Variants in EPS8L2 observed in about 807,000 individuals in gnomAD.
EPS8L2 encodes the protein epidermal growth factor receptor kinase substrate 8-like protein 2.
In EPS8L2, 81 loss-of-function variants were observed where a neutral mutation model predicts 99.4. The observed-to-expected ratio is 0.82, with a 90% confidence interval of 0.68 to 0.98. The LOEUF is 0.98. Among genes scored for constraint, EPS8L2 ranks in the 50% least tolerant of loss-of-function variants. EPS8L2 has a pLI of 0.00. For synonymous variants in EPS8L2, 509 were observed against 407.3 expected, an observed-to-expected ratio of 1.25 and a Z score of -3.01; for missense variants, 1,155 against 968.8, an observed-to-expected ratio of 1.19 and a Z score of -2.55.
Position 710,471 on chromosome 11 carries a change from G to T in EPS8L2, c.150G>T (p.Ser50=), listed in dbSNP as rs919093439. The part of the protein sequence containing the change: ...SNSNVIMHET[S]QYHVQHLATF... ...CCAACGTCATCATGCACGAGACCTC[G>T]CAGTACCACGTCCAGGTAAGGCCCC... Residue 50 remains serine, a synonymous_variant, in exon 4 of 21, where the codon TCG becomes TCT. Coordinates refer to ENST00000318562, the MANE Select transcript of EPS8L2 (RefSeq NM_022772.4). The T allele has an allele frequency of 2.5e-6, 4 of 1,613,558 alleles. No individual in the cohort carries two copies. The highest frequency in any genetic ancestry group is 1.3e-5 in the African/African-American group (1 of 74,940).
In EPS8L2 at chr11:726,381, C is replaced by T. The variant is rs1862322519; in HGVS notation, c.1831C>T (p.His611Tyr). ...CAACATCAGGGCGCAGCCACAGAGG[C>T]ACTTCCGCGTGGAGCGCAGCCAGCC... is the stretch of plus-strand genomic sequence containing the variant. ...ISNIRAQPQR[H>Y]FRVERSQPVS... The change falls in exon 19 of 21, where the codon CAC becomes TAC. Residue 611 changes from histidine to tyrosine, a missense_variant. His to Tyr is a moderately conservative substitution (Grantham distance 83). Transcript: ENST00000318562. 2 of 1,610,338 alleles carry T rather than the reference C, an allele frequency of 1.2e-6. No homozygotes were observed. The highest frequency in any genetic ancestry group is 1.7e-6 in the Non-Finnish European group (2 of 1,179,074).
intron 20 of EPS8L2, 54 bp downstream of exon 20, chr11:726,805 T>C (rs1013667252): frequency 4.4e-6 from 7 of 1,577,920 alleles, no homozygotes; most frequent in African/African-American, 4.0e-5. Context: ...CGCCCTCCTC[T>C]CCCCCGCCCG....
rs202059125 is a variant in EPS8L2 at position 726,966 on chromosome 11, G to C, written c.2133G>C (p.Arg711Ser). Reference sequence around the variant, plus strand: ...AGTTTCATTCCATGAATCAGAGGAGGGGGGAGGACAGCTAGGCCCAGCTGC... The same window carrying C: ...AGTTTCATTCCATGAATCAGAGGAGCGGGGAGGACAGCTAGGCCCAGCTGC... ...MNKFHSMNQRRGEDS is the reference protein window; with the variant it reads ...MNKFHSMNQRSGEDS The change falls in exon 21 of 21, where the codon AGG (arginine) becomes AGC (serine). Residue 711 changes from arginine to serine, a missense_variant. Transcript: ENST00000318562. The C allele has an allele frequency of 4.2e-5, 68 of 1,613,106 alleles. 1 individual carries two copies. The highest frequency in any genetic ancestry group is 3.3e-4 in the Middle Eastern group (2 of 6,076).
chr11:726,055 G>A, intron 17 of EPS8L2, 43 bp from the exon 18 acceptor site: 2 of 1,408,132 alleles, frequency 1.4e-6, no homozygotes, highest in Non-Finnish European at 9.8e-7. Context: ...GCTGGGAGGC[G>A]GGGGCGGGGC....
Position 726,594 on chromosome 11 carries a change from CTGA to C in EPS8L2, c.1935-24_1935-22del, listed in dbSNP as rs1245807240. ...AGGCAGCCTCGCTCACAGCGCGGCC[CTGA>C]CGCCCAACTGCCCGCCCCCAGGATC... On this transcript the variant is annotated intron_variant, in intron 19 of 20. Transcript: ENST00000318562. 254 of 1,538,800 alleles carry C rather than the reference CTGA, an allele frequency of 1.7e-4. 1 individual carries two copies. Among genetic ancestry groups the C allele is most frequent in the Non-Finnish European group, 2.2e-4 (248 of 1,140,936 alleles).
At chr11:722,610 C>T (rs1862210810) in intron 13 of EPS8L2, 61 bp downstream of exon 13, 14 of 1,609,766 alleles carry the variant, frequency 8.7e-6, no homozygotes, top group Non-Finnish European at 1.1e-5. Context: ...TGGGGGCCAG[C>T]AAGGGGGTCC....
rs2133535952 is a variant in EPS8L2 at position 724,067 on chromosome 11, C to A, written c.1455-657C>A. On this transcript the variant is annotated intron_variant, in intron 15 of 20. Transcript: ENST00000318562. This position sits in a 1 kb window ranked among gnomAD's most constrained non-coding sequence, Gnocchi z 5.5. ...TGACTTCAGCTCCTGGTCTGTCCAC[C>A]CTGGCCATGTCCTGACAGTCCATGG... is the stretch of plus-strand genomic sequence containing the variant. Among the ~76,000 whole-genome samples the A allele has an allele frequency of 6.6e-6, 1 of 152,268 alleles. No individual in the cohort carries two copies. The highest frequency in any genetic ancestry group is 1.9e-4 in the East Asian group (1 of 5,186).
At chr11:714,985 G>A (rs994780328) in intron 4 of EPS8L2, among the ~76,000 whole-genome samples, 8 of 152,250 alleles carry the variant, frequency 5.3e-5, no homozygotes, top group African/African-American at 1.2e-4. Flanking sequence ...GCTCATGCCT[G>A]TAATCCCAGC....
rs534711728 is a variant in EPS8L2, at chr11:722,151, G to C, written c.1045G>C (p.Gly349Arg). 2.4e-5 allele frequency: 39 copies of C among 1,612,664 alleles called. No homozygotes were observed. The Admixed American group carries it at 3.7e-4, about 15-fold the overall frequency. ...CGCGGAGCTCGTGCACTTCCTCTTC[G>C]GGCCTCTGGACCTGGTGCCTGGGGC... Reference protein sequence around the residue: ...SAAELVHFLFGPLDLIVNTCS... With the variant: ...SAAELVHFLFRPLDLIVNTCS... Residue 349 changes from glycine to arginine, a missense_variant, in exon 12 of 21, where the codon GGG becomes CGG. Coordinates refer to ENST00000318562, the MANE Select transcript of EPS8L2 (RefSeq NM_022772.4).
At chr11:713,907 C>T (rs1404887494) in intron 4 of EPS8L2, among the ~76,000 whole-genome samples, 5 of 152,002 alleles carry the variant, frequency 3.3e-5, no homozygotes, top group Non-Finnish European at 7.4e-5. Context: ...GTCCCCAACG[C>T]CTGACCTCAA....
chr11:718,672 CTT>C (rs1174895390), intron 4 of EPS8L2, among the ~76,000 whole-genome samples: 13 of 128,160 alleles, frequency 1.0e-4, no homozygotes, highest in Non-Finnish European at 1.0e-4. Context: ...TTTTTAATTT[CTT>C]TTTTTTTTTT....
In EPS8L2 at chr11:722,522, C is replaced by T; in HGVS notation, c.1181C>T (p.Ser394Leu). 1 of 1,613,252 alleles carries T rather than the reference C, an allele frequency of 6.2e-7. No individual in the cohort carries two copies. The highest frequency in any genetic ancestry group is 2.2e-5 in the East Asian group (1 of 44,874). The part of the protein sequence containing the change: ...LVPKEMSLWE[S>L]LGESWMRPRS... ...CCTAAGGAGATGTCGCTGTGGGAGTCACTGGGAGAGAGCTGGATGCGGCCC... is the reference window on the plus strand; with the variant it reads ...CCTAAGGAGATGTCGCTGTGGGAGTTACTGGGAGAGAGCTGGATGCGGCCC... Residue 394 changes from serine to leucine, a missense_variant, in exon 13 of 21, where the codon TCA (serine) becomes TTA (leucine). Coordinates refer to ENST00000318562, the MANE Select transcript of EPS8L2 (RefSeq NM_022772.4).
chr11:720,844 C>T lies in EPS8L2; in HGVS notation c.492C>T (p.His164=), dbSNP rs1457521747. The T allele has an allele frequency of 1.3e-6, 2 of 1,538,406 alleles. No individual in the cohort carries two copies. Among genetic ancestry groups the T allele is most frequent in the Admixed American group, 2.0e-5 (1 of 50,760 alleles). The change falls in exon 7 of 21, where the codon CAC becomes CAT. Residue 164 remains histidine (H), a synonymous_variant. Coordinates refer to ENST00000318562, the MANE Select transcript of EPS8L2 (RefSeq NM_022772.4). ...HCDEVEAELV[H]EDIESALADC... is the part of the protein sequence containing the mutation. ...CGCTTTCCCAGGCAGAGCTGGTGCACGAGGACATCGAGAGCGCGTTGGCCG... is the reference window on the plus strand; with the variant it reads ...CGCTTTCCCAGGCAGAGCTGGTGCATGAGGACATCGAGAGCGCGTTGGCCG...
chr11:711,703 G>A (rs1861893936), intron 4 of EPS8L2, among the ~76,000 whole-genome samples: 1 of 151,360 alleles, frequency 6.6e-6, no homozygotes, highest in South Asian at 2.1e-4. Context: ...AGAGTCTTAG[G>A]CCAGGCGCGG....
At chr11:709,233 C>A in intron 1 of EPS8L2, 97 bp from the exon 2 acceptor site, 1 of 762,260 alleles carries the variant, frequency 1.3e-6, no homozygotes, top group South Asian at 1.8e-5. Flanking sequence ...AAGGGACCCC[C>A]ACCCAGGCCA....
chr11:717,925 C>T (rs1286159778), intron 4 of EPS8L2, among the ~76,000 whole-genome samples: 2 of 151,972 alleles, frequency 1.3e-5, no homozygotes, highest in East Asian at 3.9e-4. Flanking sequence ...AGGAGAATGG[C>T]GTGAACCTGG....
Position 722,689 on chromosome 11 carries a change from G to A in EPS8L2, c.1225G>A (p.Glu409Lys), listed in dbSNP as rs1862213809. Residue 409 changes from glutamate to lysine, a missense_variant, in exon 14 of 21, where the codon GAG (glutamate) becomes AAG (lysine). By Grantham distance (56) the Glu-to-Lys change is moderately conservative. Coordinates refer to ENST00000318562, the MANE Select transcript of EPS8L2 (RefSeq NM_022772.4). Reference protein sequence around the residue: ...WMRPRSEWPREPQVPLYVPKF... With the variant: ...WMRPRSEWPRKPQVPLYVPKF... Reference sequence around the variant, plus strand: ...TCACCCCAGTTCCGAGTGGCCGCGGGAGCCACAGGTGCCCCTCTACGTGCC... The same window carrying A: ...TCACCCCAGTTCCGAGTGGCCGCGGAAGCCACAGGTGCCCCTCTACGTGCC... The A allele has an allele frequency of 2.5e-6, 4 of 1,608,288 alleles. No individual in the cohort carries two copies. The highest frequency in any genetic ancestry group is 1.3e-5 in the African/African-American group (1 of 74,736).
chr11:723,167 C>G (rs1564978372), intron 14 of EPS8L2, 74 bp from the exon 15 acceptor site: 19 of 743,480 alleles, frequency 2.6e-5, no homozygotes, highest in Non-Finnish European at 2.6e-5. Context: ...TAGCCCAGCC[C>G]CTGTCATATG....
At chr11:715,813 G>C (rs1407748559) in intron 4 of EPS8L2, among the ~76,000 whole-genome samples, 4 of 150,456 alleles carry the variant, frequency 2.7e-5, no homozygotes, top group African/African-American at 7.3e-5. Flanking sequence ...GTAGAGACGG[G>C]GTTTCACCGC....
Sources: allele counts gnomAD v4.1 joint callset (sites outside exome capture counted in the v4.1 genomes callset), GRCh38; gene constraint gnomAD v4.1.1; non-coding constraint Gnocchi (gnomAD v3.1); transcripts MANE v1.5; gene names NCBI Gene and HGNC (gene_info 2026-07-23, HGNC 2026-07-21).